The following MKLN1 variants were observed in gnomAD, a reference collection of about 807,000 sequenced individuals.
MKLN1 encodes the protein muskelin.
In MKLN1, 18 loss-of-function variants were observed where a neutral mutation model predicts 99.0. The ratio of observed to expected loss-of-function variants is 0.18; its 90% CI spans 0.13 to 0.27. MKLN1 has a LOEUF of 0.27. MKLN1 is among the 10% of genes least tolerant of loss of function. MKLN1 has a pLI of 1.00. For missense variants in MKLN1, 621 were observed against 875.9 expected, an observed-to-expected ratio of 0.71 and a Z score of 3.67; for synonymous variants, 288 against 293.2, an observed-to-expected ratio of 0.98 and a Z score of 0.18.
At chr7:131,172,110 AGAAT>A (rs1796224033) in intron 2 of MKLN1, among the ~76,000 whole-genome samples, 1 of 151,994 alleles carries the variant, frequency 6.6e-6, no homozygotes, top group African/African-American at 2.4e-5. Context: ...TGTCCACACA[AGAAT>A]TTATTTATTT....
At chr7:131,174,334 T>C (rs562595632) in intron 2 of MKLN1, among the ~76,000 whole-genome samples, 37 of 152,160 alleles carry the variant, frequency 2.4e-4, no homozygotes, top group Non-Finnish European at 4.1e-4. Context: ...TTCCACAATA[T>C]GTGTCTTTTT....
chr7:131,413,418 C>G (rs1410785593), intron 7 of MKLN1, among the ~76,000 whole-genome samples: 2 of 152,126 alleles, frequency 1.3e-5, no homozygotes. Context: ...TACAGGGAAA[C>G]TTATTAGCCA....
At chr7:131,227,495 C>CTCCTTCTTTCTTTCTTTCTT (rs796728086) in intron 3 of MKLN1, among the ~76,000 whole-genome samples, 25 of 115,710 alleles carry the variant, frequency 2.2e-4, no homozygotes, top group Non-Finnish European at 3.6e-4. Context: ...CTCTTTCTTT[C>CTCCTTCTTTCTTTCTTTCTT]TCTTTCTTTC....
chr7:131,164,104 CTTTGTT>C (rs1210710239), intron 2 of MKLN1, among the ~76,000 whole-genome samples: 1 of 152,124 alleles, frequency 6.6e-6, no homozygotes, highest in East Asian at 1.9e-4. Flanking sequence ...GACTTACTTG[CTTTGTT>C]TTTGTTTTTG....
intron 1 of MKLN1, among the ~76,000 whole-genome samples, chr7:131,112,212 T>C (rs1047775897): frequency 8.5e-5 from 13 of 152,250 alleles, no homozygotes; most frequent in African/African-American, 1.4e-4. Flanking sequence ...GTAGGTCTTA[T>C]GTCAGTTTCT....
intron 6 of MKLN1, among the ~76,000 whole-genome samples, chr7:131,405,664 A>G (rs1794680627): frequency 6.6e-6 from 1 of 152,020 alleles, no homozygotes; most frequent in Non-Finnish European, 1.5e-5. Flanking sequence ...TAGTATTTTC[A>G]TTATGAAATG....
At chr7:131,286,800 G>C (rs559952012) in intron 3 of MKLN1, among the ~76,000 whole-genome samples, 75 of 152,322 alleles carry the variant, frequency 4.9e-4, no homozygotes, top group Non-Finnish European at 1.0e-3. Context: ...AGGCATATGA[G>C]TGGTCCCAAA....
At chr7:131,173,186 T>A (rs1280647090) in intron 2 of MKLN1, among the ~76,000 whole-genome samples, 1 of 149,712 alleles carries the variant, frequency 6.7e-6, no homozygotes, top group Non-Finnish European at 1.5e-5. Flanking sequence ...ACAGACATAA[T>A]AAAGCAAAAA....
chr7:131,469,863 C>T (rs1796769482), intron 15 of MKLN1, among the ~76,000 whole-genome samples: 1 of 141,432 alleles, frequency 7.1e-6, no homozygotes, highest in Non-Finnish European at 1.5e-5. Flanking sequence ...CAGATTCATT[C>T]TCTGCACCTC....
At chr7:131,431,448 G>A (rs189643151) in intron 9 of MKLN1, among the ~76,000 whole-genome samples, 1 of 152,184 alleles carries the variant, frequency 6.6e-6, no homozygotes, top group South Asian at 2.1e-4. Context: ...GGTTTGGCCG[G>A]GCTCATTCAT....
chr7:131,473,304 C>T (rs957773915), intron 16 of MKLN1, among the ~76,000 whole-genome samples: 21 of 152,008 alleles, frequency 1.4e-4, no homozygotes, highest in Non-Finnish European at 2.1e-4. Context: ...GTTTTACAGA[C>T]ATTTAATGTT....
At position 131,125,109 on chromosome 7, in the gene MKLN1, G is replaced by A. The variant is rs117353120; in HGVS notation, c.-419+14902G>A. 4.1e-3 allele frequency among the ~76,000 whole-genome samples: 624 copies of A among 152,254 alleles called. 2 individuals carry two copies. The highest frequency in any genetic ancestry group is 6.8e-3 in the Middle Eastern group (2 of 292). On this transcript the variant is annotated intron_variant, in intron 1 of 7. Coordinates refer to the MKLN1 transcript ENST00000416992. ...CTAGCATGCCTTGTGATCCTGTTATGGCAACATCAGTAATGCTTTCCCAAT... is the reference window on the plus strand; with the variant it reads ...CTAGCATGCCTTGTGATCCTGTTATAGCAACATCAGTAATGCTTTCCCAAT...
At chr7:131,176,155 T>C (rs930909778) in intron 2 of MKLN1, among the ~76,000 whole-genome samples, 16 of 152,136 alleles carry the variant, frequency 1.1e-4, no homozygotes, top group African/African-American at 3.4e-4. Flanking sequence ...TTGTAACATA[T>C]CCTATATATT....
chr7:131,164,283 T>C (rs1433886518), intron 2 of MKLN1, among the ~76,000 whole-genome samples: 1 of 152,158 alleles, frequency 6.6e-6, no homozygotes, highest in Non-Finnish European at 1.5e-5. Context: ...AGCTAATTTT[T>C]GTATCTTTTT....
At chr7:131,444,231 T>C (rs1795928181) in intron 11 of MKLN1, among the ~76,000 whole-genome samples, 1 of 151,736 alleles carries the variant, frequency 6.6e-6, no homozygotes, top group Admixed American at 6.6e-5. Flanking sequence ...GTGCCTGTAG[T>C]CCCAGCCTCC....
At chr7:131,351,609 G>A (rs1284550009) in intron 1 of MKLN1, among the ~76,000 whole-genome samples, 1 of 151,978 alleles carries the variant, frequency 6.6e-6, no homozygotes, top group Non-Finnish European at 1.5e-5. Context: ...CTACAGGTGT[G>A]TGCCACCATG....
intron 2 of MKLN1, among the ~76,000 whole-genome samples, chr7:131,149,295 T>C (rs1197181802): frequency 1.3e-5 from 2 of 152,216 alleles, no homozygotes; most frequent in Admixed American, 6.5e-5. Context: ...TAATATCCTT[T>C]ACTTCAAGTC....
At chr7:131,287,550 T>G (rs551525445) in intron 3 of MKLN1, among the ~76,000 whole-genome samples, 1 of 152,214 alleles carries the variant, frequency 6.6e-6, no homozygotes, top group African/African-American at 2.4e-5. Context: ...TGATCTAGGA[T>G]AAGGTCCTCC....
chr7:131,143,565 C>A (rs762782006), intron 2 of MKLN1, among the ~76,000 whole-genome samples: 1 of 152,160 alleles, frequency 6.6e-6, no homozygotes, highest in Non-Finnish European at 1.5e-5. Context: ...GTAGCTCATG[C>A]GTGTAATCCT....
Sources: allele counts gnomAD v4.1 joint callset (sites outside exome capture counted in the v4.1 genomes callset), GRCh38; gene constraint gnomAD v4.1.1; transcripts MANE v1.5; gene names NCBI Gene and HGNC (gene_info 2026-07-23, HGNC 2026-07-21).